Variants in APBB2 observed in about 807,000 individuals in gnomAD.
APBB2 encodes Fe65-like 1.
APBB2 carries 38 observed loss-of-function variants against 82.5 expected under a neutral mutation model. The observed-to-expected ratio is 0.46, with a 90% confidence interval of 0.36 to 0.60. The LOEUF is 0.60. Ranked by LOEUF, APBB2 falls within the 20% of genes least tolerant of loss-of-function variation. APBB2 has a pLI of 0.00. For synonymous variants in APBB2, 341 were observed against 368.2 expected (o/e 0.93, Z 0.85); for missense variants, 772 against 972.3 (o/e 0.79, Z 2.74).
chr4:40,871,615 G>A (rs753447737), intron 12 of APBB2, among the ~76,000 whole-genome samples: 1 of 152,192 alleles, frequency 6.6e-6, no homozygotes, highest in Non-Finnish European at 1.5e-5. Context: ...TGATTAAGTC[G>A]TGTAAAAGTT....
rs1043439954 is a variant in APBB2 at position 41,099,293 on chromosome 4, A to G, written c.-149+1346T>C. ...GCCCAGGCTGGAGTGCAGTGGCGCA[A>G]TCTTGGCTCACTGCAACCTCCGCCT... On this transcript the variant is annotated intron_variant, in intron 3 of 17. Transcript: ENST00000508593. 3.3e-5 allele frequency among the ~76,000 whole-genome samples: 5 copies of G among 152,066 alleles called. No individual in the cohort carries two copies. In the East Asian group the frequency reaches 7.7e-4, roughly 23 times the overall value.
chr4:40,898,817 T>C (rs1774424610), intron 10 of APBB2, among the ~76,000 whole-genome samples: 1 of 145,866 alleles, frequency 6.9e-6, no homozygotes, highest in Non-Finnish European at 1.5e-5. Flanking sequence ...AGACTCCATC[T>C]CAAAAAAAAA....
At chr4:40,959,228 A>G (rs1191917906) in intron 6 of APBB2, among the ~76,000 whole-genome samples, 2 of 152,206 alleles carry the variant, frequency 1.3e-5, no homozygotes, top group Non-Finnish European at 2.9e-5. Flanking sequence ...TTTTATTCTT[A>G]TTTCAGAGTG....
At chr4:40,846,321 C>T (rs948428483) in intron 12 of APBB2, among the ~76,000 whole-genome samples, 2 of 89,190 alleles carry the variant, frequency 2.2e-5, no homozygotes, top group African/African-American at 1.0e-4. Context: ...CGGATGAAAA[C>T]ACTCCAAAAA....
intron 10 of APBB2, among the ~76,000 whole-genome samples, chr4:40,902,744 G>A (rs1036690265): frequency 2.0e-5 from 3 of 152,122 alleles, no homozygotes; most frequent in African/African-American, 7.2e-5. Flanking sequence ...TGCCCAGGCT[G>A]GTTTCAAGCT....
chr4:41,002,030 T>C (rs1238813002), intron 6 of APBB2, among the ~76,000 whole-genome samples: 1 of 152,222 alleles, frequency 6.6e-6, no homozygotes, highest in East Asian at 1.9e-4. Context: ...TATATGGTTT[T>C]CTAATAGTCA....
rs149722801 is a variant in APBB2, at chr4:41,010,220, A to G, written c.835+3363T>C. On this transcript the variant is annotated intron_variant, in intron 6 of 17. Coordinates refer to ENST00000508593, the MANE Select transcript of APBB2 (RefSeq NM_004307.2). ...GGCTGGCATAGGTTTGGCTTCTAGTATATTTTTTAAAAACACAATCTCATT... is the reference window on the plus strand; with the variant it reads ...GGCTGGCATAGGTTTGGCTTCTAGTGTATTTTTTAAAAACACAATCTCATT... 5.9e-5 allele frequency among the ~76,000 whole-genome samples: 9 copies of G among 152,294 alleles called. No homozygotes were observed. In the East Asian group the frequency reaches 1.3e-3, roughly 23 times the overall value.
At chr4:40,958,523 G>A (rs1792262338) in intron 6 of APBB2, among the ~76,000 whole-genome samples, 2 of 152,162 alleles carry the variant, frequency 1.3e-5, no homozygotes. Context: ...AAATCCAAAA[G>A]CCTAAGCATA....
At chr4:40,827,046 AAATACC>A in intron 14 of APBB2, 80 bp downstream of exon 14, 1 of 1,252,280 alleles carries the variant, frequency 8.0e-7, no homozygotes. Flanking sequence ...AGGAGACTTG[AAATACC>A]AGAGAACCAT....
chr4:41,058,004 T>G (rs1579637339), intron 4 of APBB2, among the ~76,000 whole-genome samples: 1 of 152,186 alleles, frequency 6.6e-6, no homozygotes, highest in African/African-American at 2.4e-5. Flanking sequence ...ATCCTCTTCA[T>G]GTGGAGTATA....
At chr4:41,130,819 T>C (rs1384505612) in intron 2 of APBB2, among the ~76,000 whole-genome samples, 1 of 152,014 alleles carries the variant, frequency 6.6e-6, no homozygotes, top group East Asian at 1.9e-4. Flanking sequence ...TGTTAAGGCC[T>C]TGTAGGACAG....
intron 7 of APBB2, among the ~76,000 whole-genome samples, chr4:40,938,721 T>G (rs956114767): frequency 2.0e-5 from 3 of 152,086 alleles, no homozygotes; most frequent in Non-Finnish European, 4.4e-5. Context: ...TGCTGAGAAC[T>G]GGGTAGAGAG....
chr4:40,915,920 C>T (rs1450043115), intron 10 of APBB2, among the ~76,000 whole-genome samples: 15 of 152,060 alleles, frequency 9.9e-5, no homozygotes, highest in Admixed American at 9.8e-4. Flanking sequence ...GAAGCTCTGC[C>T]TTGAGGGAGT....
At chr4:40,901,909 A>ATGTGCGTGTGTGTG (rs1775404989) in intron 10 of APBB2, among the ~76,000 whole-genome samples, 1 of 145,436 alleles carries the variant, frequency 6.9e-6, no homozygotes. Context: ...ATCCAAAATT[A>ATGTGCGTGTGTGTG]TGTGTGTGTG....
At chr4:40,975,753 AACACACACAC>A (rs368424451) in intron 6 of APBB2, among the ~76,000 whole-genome samples, 15 of 142,096 alleles carry the variant, frequency 1.1e-4, no homozygotes, top group African/African-American at 2.9e-4. Flanking sequence ...GTAGTAAGAA[AACACACACAC>A]ACACACACAC....
intron 4 of APBB2, among the ~76,000 whole-genome samples, chr4:41,038,916 T>C (rs1377850688): frequency 6.6e-6 from 1 of 152,228 alleles, no homozygotes; most frequent in Non-Finnish European, 1.5e-5. Context: ...CCATTGTTAG[T>C]GCAATAGCTA....
At chr4:41,061,499 G>T (rs184640656) in intron 4 of APBB2, among the ~76,000 whole-genome samples, 1 of 152,300 alleles carries the variant, frequency 6.6e-6, no homozygotes, top group East Asian at 1.9e-4. Context: ...GCAGGCAAAT[G>T]TGATACAATG....
intron 1 of APBB2, among the ~76,000 whole-genome samples, chr4:41,198,270 TA>T: frequency 6.6e-6 from 1 of 152,326 alleles, no homozygotes; most frequent in East Asian, 1.9e-4. Context: ...AATGGAGGAA[TA>T]AGCGCCTGAT....
At chr4:41,032,565 A>C (rs1383179282) in intron 5 of APBB2, among the ~76,000 whole-genome samples, 2 of 152,096 alleles carry the variant, frequency 1.3e-5, no homozygotes, top group Non-Finnish European at 2.9e-5. Context: ...AGATTGAGAA[A>C]CGCAACACCA....
Sources: allele counts gnomAD v4.1 joint callset (sites outside exome capture counted in the v4.1 genomes callset), GRCh38; gene constraint gnomAD v4.1.1; transcripts MANE v1.5; gene names NCBI Gene and HGNC (gene_info 2026-07-23, HGNC 2026-07-21).